The following FRMD4B variants were observed in gnomAD, a reference collection of about 807,000 sequenced individuals.
FRMD4B encodes FERM domain-containing protein 4B.
Under a neutral mutation model 141.5 loss-of-function variants are expected in FRMD4B, and 74 were observed. That is an observed-to-expected ratio of 0.52 (90% CI 0.43 to 0.63). The LOEUF (loss-of-function observed/expected upper bound fraction) is 0.63. Among genes scored for constraint, FRMD4B ranks in the 30% least tolerant of loss-of-function variants. FRMD4B has a pLI of 0.00. For synonymous variants in FRMD4B, 506 were observed against 467.9 expected (o/e 1.08, Z -1.05); for missense variants, 1,366 against 1,253.4 (o/e 1.09, Z -1.36).
chr3:69,329,144 CG>C (rs1483825654), intron 1 of FRMD4B, among the ~76,000 whole-genome samples: 2 of 152,006 alleles, frequency 1.3e-5, no homozygotes, highest in African/African-American at 4.8e-5. Context: ...ATGTGGAGGC[CG>C]TTGAGAGACC....
At chr3:69,325,188 A>G (rs1399409999) in intron 1 of FRMD4B, among the ~76,000 whole-genome samples, 2 of 152,232 alleles carry the variant, frequency 1.3e-5, no homozygotes, top group African/African-American at 4.8e-5. Context: ...AGTGGCTCCC[A>G]GTAGAGACTG....
intron 21 of FRMD4B, among the ~76,000 whole-genome samples, chr3:69,177,956 A>G (rs2092666303): frequency 6.6e-6 from 1 of 152,226 alleles, no homozygotes; most frequent in Non-Finnish European, 1.5e-5. Flanking sequence ...GGTGGTAAGT[A>G]GCACAGGAAG....
In FRMD4B at chr3:69,180,624, C is replaced by A. The variant is rs190494684; in HGVS notation, c.2851+275G>T. The stretch of plus-strand genomic sequence containing the variant: ...ACAAAAAACAAAAAACAAAAAAAAA[C>A]CCTAAAACAGGGCAGCACAGAGAGT... On this transcript the variant is annotated intron_variant, in intron 21 of 22. Coordinates refer to ENST00000398540, the MANE Select transcript of FRMD4B (RefSeq NM_015123.3). 5.5e-3 allele frequency among the ~76,000 whole-genome samples: 833 copies of A among 150,738 alleles called. 7 individuals are homozygous for A. The highest frequency in any genetic ancestry group is 9.1e-3 in the Non-Finnish European group (620 of 67,812).
intron 2 of FRMD4B, among the ~76,000 whole-genome samples, chr3:69,392,564 C>T (rs925946528): frequency 1.3e-5 from 2 of 152,130 alleles, no homozygotes; most frequent in African/African-American, 4.8e-5. Context: ...TTCTAGGGTA[C>T]AAAGAAAGAG....
intron 2 of FRMD4B, among the ~76,000 whole-genome samples, chr3:69,413,787 A>G (rs34042938): frequency 0.32 from 49,122 of 152,036 alleles, 8,093 homozygotes; most frequent in African/African-American, 0.35. Context: ...TGAAGACAAT[A>G]CAACCCTGCA....
Position 69,472,925 on chromosome 3 carries a change from C to CTTTTTTTTTTTTTTTT in FRMD4B, c.-128-40165_-128-40164insAAAAAAAAAAAAAAAA, listed in dbSNP as rs796453101. Reference sequence around the variant, plus strand: ...TATCCAAGGCTTCAAGTGAGTCTTTCTTTTTTTTTTTTCTTTTTTTTTTTT... The same window carrying CTTTTTTTTTTTTTTTT: ...TATCCAAGGCTTCAAGTGAGTCTTTCTTTTTTTTTTTTTTTTTTTTTTTTTTTTCTTTTTTTTTTTT... On this transcript the variant is annotated intron_variant, in intron 1 of 5. Coordinates refer to the FRMD4B transcript ENST00000459638. Among the ~76,000 whole-genome samples, 127 of 90,860 alleles carry CTTTTTTTTTTTTTTTT rather than the reference C, an allele frequency of 1.4e-3. 7 individuals carry two copies. Among genetic ancestry groups the CTTTTTTTTTTTTTTTT allele is most frequent in the Non-Finnish European group, 1.8e-3 (85 of 46,716 alleles). 59.6% of individuals were successfully genotyped at this position (90,860 alleles called of 152,430 possible).
At chr3:69,426,459 T>A (rs1705079541) in intron 2 of FRMD4B, among the ~76,000 whole-genome samples, 1 of 152,152 alleles carries the variant, frequency 6.6e-6, no homozygotes, top group Non-Finnish European at 1.5e-5. Flanking sequence ...CTCACGTTAA[T>A]ACCAACCTAT....
At chr3:69,172,005 T>A in intron 22 of FRMD4B, 24 bp from the exon 23 acceptor site, 1 of 1,611,176 alleles carries the variant, frequency 6.2e-7, no homozygotes, top group South Asian at 1.1e-5. Flanking sequence ...CCAGAAAAGT[T>A]ACTACTTGTG....
intron 7 of FRMD4B, among the ~76,000 whole-genome samples, chr3:69,247,718 G>A (rs975845260): frequency 7.2e-5 from 11 of 152,102 alleles, no homozygotes; most frequent in East Asian, 1.9e-4. Context: ...GCACTATCTC[G>A]GCTCACTGCA....
At chr3:69,520,048 TC>T (rs35097388) in intron 1 of FRMD4B, among the ~76,000 whole-genome samples, 10 of 106,686 alleles carry the variant, frequency 9.4e-5, no homozygotes, top group East Asian at 6.3e-4. Flanking sequence ...ATATATTCCA[TC>T]CATATATATA....
At chr3:69,246,844 T>A (rs918592567) in intron 7 of FRMD4B, among the ~76,000 whole-genome samples, 1 of 152,248 alleles carries the variant, frequency 6.6e-6, no homozygotes, top group African/African-American at 2.4e-5. Context: ...AGGTCTGGAC[T>A]GGGCTTGCCC....
chr3:69,385,192 G>A (rs1184771223), intron 1 of FRMD4B, among the ~76,000 whole-genome samples: 1 of 152,102 alleles, frequency 6.6e-6, no homozygotes, highest in African/African-American at 2.4e-5. Context: ...AAGGGGCTGT[G>A]TTGTGTGACA....
At position 69,395,931 on chromosome 3, in the gene FRMD4B, G is replaced by A. The variant is rs1489859719; in HGVS notation, c.-1+36703C>T. ...AGAAAAGAGGGGTTTTACTTCTGAAGGGACTAGCATCAGAGAAATTTAAGG... is the reference window on the plus strand; with the variant it reads ...AGAAAAGAGGGGTTTTACTTCTGAAAGGACTAGCATCAGAGAAATTTAAGG... On this transcript the variant is annotated intron_variant, in intron 2 of 5. Transcript: ENST00000459638. 2.0e-5 allele frequency among the ~76,000 whole-genome samples: 3 copies of A among 152,256 alleles called. No individual in the cohort carries two copies. In the East Asian group the frequency reaches 5.8e-4, roughly 29 times the overall value.
chr3:69,495,367 T>C (rs1329306211), intron 1 of FRMD4B, among the ~76,000 whole-genome samples: 1 of 152,170 alleles, frequency 6.6e-6, no homozygotes, highest in Admixed American at 6.5e-5. Context: ...AGAAAGATAA[T>C]CCAAACCCCC....
At chr3:69,361,110 T>C (rs1320236737) in intron 1 of FRMD4B, among the ~76,000 whole-genome samples, 1 of 152,194 alleles carries the variant, frequency 6.6e-6, no homozygotes, top group African/African-American at 2.4e-5. Flanking sequence ...ATTATGAACA[T>C]ATGCATTTAA....
intron 1 of FRMD4B, among the ~76,000 whole-genome samples, chr3:69,354,521 T>C (rs1703257256): frequency 1.3e-5 from 2 of 152,156 alleles, no homozygotes; most frequent in South Asian, 2.1e-4. Flanking sequence ...TTTACAGTTG[T>C]ATATATCCTT....
At chr3:69,196,029 C>G (rs372985816) in intron 14 of FRMD4B, among the ~76,000 whole-genome samples, 8 of 152,300 alleles carry the variant, frequency 5.3e-5, no homozygotes, top group African/African-American at 1.7e-4. Flanking sequence ...TACTCACCAT[C>G]CTTGCATCTC....
intron 1 of FRMD4B, among the ~76,000 whole-genome samples, chr3:69,501,252 C>A (rs1453477975): frequency 1.7e-5 from 2 of 116,690 alleles, no homozygotes; most frequent in Non-Finnish European, 3.3e-5. Flanking sequence ...TTTTTTTTAG[C>A]TAATCAGCTA....
At chr3:69,198,541 TA>T (rs2092931745) in intron 12 of FRMD4B, 156 bp downstream of exon 12, 1 of 609,798 alleles carries the variant, frequency 1.6e-6, no homozygotes, top group African/African-American at 1.9e-5. Flanking sequence ...CTCAGAGGGT[TA>T]AAGATAGTTA....
Sources: allele counts gnomAD v4.1 joint callset (sites outside exome capture counted in the v4.1 genomes callset), GRCh38; gene constraint gnomAD v4.1.1; transcripts MANE v1.5; gene names NCBI Gene and HGNC (gene_info 2026-07-23, HGNC 2026-07-21).